The following ZBTB16 variants were observed in gnomAD, a reference collection of about 807,000 sequenced individuals.
ZBTB16 encodes zinc finger and BTB domain-containing protein 16.
ZBTB16 carries 8 observed loss-of-function variants against 56.8 expected under a neutral mutation model. The ratio of observed to expected loss-of-function variants is 0.14; its 90% CI spans 0.08 to 0.25. The LOEUF is 0.25. Among genes scored for constraint, ZBTB16 ranks in the 10% least tolerant of loss-of-function variants. The probability of loss-of-function intolerance (pLI) is 1.00; values close to 1 mark genes in which losing one functional copy is unlikely to be tolerated. For missense variants in ZBTB16, 625 were observed against 903.0 expected (o/e 0.69, Z 3.95); for synonymous variants, 363 against 368.5 (o/e 0.98, Z 0.17).
At chr11:114,108,590 G>A (rs922981079) in intron 2 of ZBTB16, among the ~76,000 whole-genome samples, 18 of 152,078 alleles carry the variant, frequency 1.2e-4, no homozygotes, top group African/African-American at 4.3e-4. Flanking sequence ...TAAAAGACCT[G>A]CAGCTATTAA....
chr11:114,243,112 G>T (rs1944746654), intron 5 of ZBTB16, among the ~76,000 whole-genome samples: 1 of 152,152 alleles, frequency 6.6e-6, no homozygotes, highest in Non-Finnish European at 1.5e-5. Flanking sequence ...CCCTAACAGG[G>T]GAGTGGATGG....
intron 2 of ZBTB16, among the ~76,000 whole-genome samples, chr11:114,131,677 T>C (rs1207666165): frequency 6.6e-6 from 1 of 152,202 alleles, no homozygotes; most frequent in Non-Finnish European, 1.5e-5. Context: ...CCCCCCCTTT[T>C]TTTCATTGCA....
chr11:114,239,878 C>T (rs377456465), intron 4 of ZBTB16, among the ~76,000 whole-genome samples: 173 of 152,246 alleles, frequency 1.1e-3, no homozygotes, highest in African/African-American at 3.9e-3. Context: ...AAAGACAAAC[C>T]GAGATATTTT....
chr11:114,190,921 G>C (rs989758511), intron 4 of ZBTB16, among the ~76,000 whole-genome samples: 1 of 152,192 alleles, frequency 6.6e-6, no homozygotes, highest in East Asian at 1.9e-4. Context: ...CATGATGCTG[G>C]CATCTGCTCA....
intron 4 of ZBTB16, chr11:114,189,568 A>G (rs1436612769): frequency 6.6e-6 from 1 of 152,202 alleles, no homozygotes; most frequent in Non-Finnish European, 1.5e-5. Flanking sequence ...GATCGAGACC[A>G]TCCTGGCCAA....
intron 4 of ZBTB16, among the ~76,000 whole-genome samples, chr11:114,232,581 A>C (rs1944460569): frequency 8.5e-6 from 1 of 117,518 alleles, no homozygotes; most frequent in African/African-American, 3.7e-5. Context: ...TCCACATCAG[A>C]TGCCCCACCC....
intron 2 of ZBTB16, among the ~76,000 whole-genome samples, chr11:114,084,613 G>A (rs895328195): frequency 6.6e-6 from 1 of 152,116 alleles, no homozygotes; most frequent in Non-Finnish European, 1.5e-5. Flanking sequence ...GTGAGAAGGA[G>A]CAGGTGCCAG....
intron 4 of ZBTB16, among the ~76,000 whole-genome samples, chr11:114,197,413 C>A (rs1421780140): frequency 3.3e-5 from 5 of 152,140 alleles, no homozygotes; most frequent in African/African-American, 4.8e-5. Flanking sequence ...GTCTAGGAGG[C>A]ATATACTCTG....
intron 2 of ZBTB16, among the ~76,000 whole-genome samples, chr11:114,109,365 G>A (rs888728442): frequency 6.6e-6 from 1 of 152,172 alleles, no homozygotes. Context: ...CAGGTCTTTG[G>A]CTTGACTACA....
At chr11:114,176,740 A>G (rs1943124676) in intron 3 of ZBTB16, among the ~76,000 whole-genome samples, 1 of 152,154 alleles carries the variant, frequency 6.6e-6, no homozygotes, top group South Asian at 2.1e-4. Context: ...TCATTTCAAG[A>G]TGGAGAGATA....
At chr11:114,218,843 G>A (rs529605135) in intron 4 of ZBTB16, among the ~76,000 whole-genome samples, 24 of 152,168 alleles carry the variant, frequency 1.6e-4, no homozygotes, top group Non-Finnish European at 2.9e-4. Context: ...TCAATGATAA[G>A]AATTTAAAAT....
chr11:114,109,863 G>A (rs911356780), intron 2 of ZBTB16, among the ~76,000 whole-genome samples: 3 of 152,144 alleles, frequency 2.0e-5, no homozygotes, highest in African/African-American at 7.2e-5. Flanking sequence ...GGAAAGGAAG[G>A]AAATCATGGT....
In ZBTB16 at chr11:114,233,081, GCACA is replaced by G. The variant is rs1198148768; in HGVS notation, c.1454-9044_1454-9041del. 3.7e-3 allele frequency among the ~76,000 whole-genome samples: 325 copies of G among 87,496 alleles called. 3 individuals carry two copies. The highest frequency in any genetic ancestry group is 0.011 in the African/African-American group (263 of 22,996). The allele number at this position is 87,496 out of a possible 152,430, so 57.4% of individuals were successfully genotyped here. On this transcript the variant is annotated intron_variant, in intron 4 of 6. Coordinates refer to ENST00000335953, the MANE Select transcript of ZBTB16 (RefSeq NM_006006.6). ...CACATACGCATGCGCGCGCGCGCGCGCACACACACACACACACACACACACACAC... is the reference window on the plus strand; with the variant it reads ...CACATACGCATGCGCGCGCGCGCGCGCACACACACACACACACACACACAC...
intron 4 of ZBTB16, chr11:114,209,665 GA>G (rs1213547810): frequency 1.0e-6 from 1 of 985,320 alleles, no homozygotes; most frequent in East Asian, 1.1e-4. Flanking sequence ...TTAAGGAAGA[GA>G]AAAATTAACT....
intron 3 of ZBTB16, among the ~76,000 whole-genome samples, chr11:114,181,708 A>C (rs1430393322): frequency 6.6e-6 from 1 of 151,548 alleles, no homozygotes; most frequent in African/African-American, 2.4e-5. Context: ...TCGTGCCTGC[A>C]CCTCTAGATC....
chr11:114,240,008 T>C (rs147405740), intron 4 of ZBTB16, among the ~76,000 whole-genome samples: 57 of 152,366 alleles, frequency 3.7e-4, no homozygotes, highest in African/African-American at 1.4e-3. Context: ...TTAAATGAAC[T>C]GACAACATAG....
chr11:114,242,814 C>A (rs894359952), intron 5 of ZBTB16, among the ~76,000 whole-genome samples: 1 of 152,182 alleles, frequency 6.6e-6, no homozygotes, highest in African/African-American at 2.4e-5. Context: ...CTTCTGAGGG[C>A]AAGTTGAAGC....
chr11:114,153,886 T>C (rs1229053892), intron 2 of ZBTB16, among the ~76,000 whole-genome samples: 1 of 152,232 alleles, frequency 6.6e-6, no homozygotes, highest in East Asian at 1.9e-4. Context: ...GCATGACTTG[T>C]CCAAGGTTAA....
intron 2 of ZBTB16, among the ~76,000 whole-genome samples, chr11:114,122,652 C>A (rs1032935375): frequency 1.3e-5 from 2 of 152,150 alleles, no homozygotes; most frequent in Non-Finnish European, 2.9e-5. Context: ...CTTTCTCATG[C>A]TTGTTTAGTC....
Sources: gnomAD v4.1 joint callset for allele counts (sites outside exome capture counted in the v4.1 genomes callset) on GRCh38, gnomAD v4.1.1 for gene constraint, MANE v1.5 for transcripts, NCBI Gene and HGNC (gene_info 2026-07-23, HGNC 2026-07-21) for gene names.